IMMP2L: variants seen among roughly 807,000 people sequenced by gnomAD.
IMMP2L encodes inner mitochondrial membrane peptidase subunit 2, also known as mitochondrial inner membrane protease subunit 2.
IMMP2L carries 18 observed loss-of-function variants against 19.3 expected under a neutral mutation model. That is an observed-to-expected ratio of 0.93 (90% CI 0.64 to 1.38). The LOEUF (loss-of-function observed/expected upper bound fraction) is 1.38, where lower values mean the gene tolerates loss of function less well. Among genes scored for constraint, IMMP2L ranks in the 40% most tolerant of loss-of-function variants. The probability of loss-of-function intolerance (pLI) is 0.00; values close to 1 mark genes in which losing one functional copy is unlikely to be tolerated. For synonymous variants in IMMP2L, 76 were observed against 73.0 expected (o/e 1.04, Z -0.21); for missense variants, 233 against 218.2 (o/e 1.07, Z -0.43).
chr7:111,512,067 C>T lies in IMMP2L; in HGVS notation c.135+9246G>A, dbSNP rs116148128. ...AGAGAAATGAAATCATGTATATACA[C>T]GTAACTGTACACAAATATCTATAGC... On this transcript the variant is annotated intron_variant, in intron 2 of 5. Transcript: ENST00000405709. Among the ~76,000 whole-genome samples, 1,322 of 152,214 alleles carry T rather than the reference C, an allele frequency of 8.7e-3. 22 individuals carry two copies. Among genetic ancestry groups the T allele is most frequent in the African/African-American group, 0.03 (1,243 of 41,532 alleles).
At chr7:110,768,807 C>T (rs1798842999) in intron 5 of IMMP2L, among the ~76,000 whole-genome samples, 3 of 152,172 alleles carry the variant, frequency 2.0e-5, no homozygotes. Flanking sequence ...CTATCTCTCC[C>T]ACTGGATCAT....
At chr7:110,762,670 G>A (rs1798421254) in intron 5 of IMMP2L, among the ~76,000 whole-genome samples, 1 of 152,098 alleles carries the variant, frequency 6.6e-6, no homozygotes, top group South Asian at 2.1e-4. Flanking sequence ...GCTAGGAATG[G>A]ACTAGTGAAA....
intron 5 of IMMP2L, among the ~76,000 whole-genome samples, chr7:110,856,537 A>G (rs1219310032): frequency 6.6e-6 from 1 of 152,062 alleles, no homozygotes; most frequent in Non-Finnish European, 1.5e-5. Context: ...TTCATGAAAA[A>G]GGAAAATCAG....
At chr7:111,338,615 G>A (rs755464963) in intron 3 of IMMP2L, among the ~76,000 whole-genome samples, 3 of 151,998 alleles carry the variant, frequency 2.0e-5, no homozygotes, top group Non-Finnish European at 4.4e-5. Context: ...ACACATGAAG[G>A]AAATAAAAAT....
intron 3 of IMMP2L, among the ~76,000 whole-genome samples, chr7:111,040,626 A>T (rs564087285): frequency 2.0e-5 from 3 of 150,526 alleles, no homozygotes; most frequent in Non-Finnish European, 3.0e-5. Context: ...CTAACTTAAG[A>T]GGAAAGCCTG....
chr7:110,984,437 T>G (rs540111600), intron 3 of IMMP2L, among the ~76,000 whole-genome samples: 1 of 152,158 alleles, frequency 6.6e-6, no homozygotes, highest in Admixed American at 6.6e-5. Context: ...TTAGATTCAG[T>G]CTCAAAACAC....
chr7:111,253,742 G>T (rs1328635592), intron 3 of IMMP2L, among the ~76,000 whole-genome samples: 1 of 152,098 alleles, frequency 6.6e-6, no homozygotes, highest in Non-Finnish European at 1.5e-5. Context: ...CTCAAAGACT[G>T]CCACATAGAA....
At chr7:111,030,608 A>G (rs1401160560) in intron 3 of IMMP2L, among the ~76,000 whole-genome samples, 2 of 152,118 alleles carry the variant, frequency 1.3e-5, no homozygotes, top group Non-Finnish European at 2.9e-5. Context: ...CCAAGACTCC[A>G]GAGGTTCCTT....
At chr7:111,222,037 A>T (rs1474845126) in intron 3 of IMMP2L, among the ~76,000 whole-genome samples, 1 of 151,960 alleles carries the variant, frequency 6.6e-6, no homozygotes, top group Non-Finnish European at 1.5e-5. Flanking sequence ...TACAAAGTAA[A>T]TGGGGATTTA....
At chr7:110,850,215 G>A (rs1806063105) in intron 5 of IMMP2L, among the ~76,000 whole-genome samples, 1 of 151,944 alleles carries the variant, frequency 6.6e-6, no homozygotes, top group Admixed American at 6.6e-5. Context: ...AACAGGATCT[G>A]GTCCATACAA....
intron 5 of IMMP2L, among the ~76,000 whole-genome samples, chr7:110,742,840 T>G (rs1797076417): frequency 6.6e-6 from 1 of 152,004 alleles, no homozygotes; most frequent in East Asian, 1.9e-4. Flanking sequence ...CAACATTAAG[T>G]AGGGGATGCA....
At chr7:110,885,358 T>A (rs758069002) in intron 5 of IMMP2L, among the ~76,000 whole-genome samples, 1 of 151,996 alleles carries the variant, frequency 6.6e-6, no homozygotes, top group Admixed American at 6.6e-5. Context: ...TCAACTTATA[T>A]ATACGTTAAA....
intron 3 of IMMP2L, among the ~76,000 whole-genome samples, chr7:111,335,477 T>C (rs995366753): frequency 6.6e-6 from 1 of 151,886 alleles, no homozygotes; most frequent in African/African-American, 2.4e-5. Flanking sequence ...AAAATAAAAA[T>C]AGGTAAAAGT....
chr7:110,928,375 AC>A (rs1815093748), intron 4 of IMMP2L, among the ~76,000 whole-genome samples: 1 of 149,378 alleles, frequency 6.7e-6, no homozygotes, highest in African/African-American at 2.5e-5. Flanking sequence ...ACACACACAC[AC>A]ACACACACAC....
intron 5 of IMMP2L, among the ~76,000 whole-genome samples, chr7:110,687,615 G>GT (rs1793209003): frequency 2.0e-5 from 3 of 152,146 alleles, no homozygotes; most frequent in Non-Finnish European, 2.9e-5. Context: ...TAACAAATTA[G>GT]TTTAAAATTT....
At chr7:110,722,191 C>T (rs182891865) in intron 5 of IMMP2L, among the ~76,000 whole-genome samples, 3 of 151,890 alleles carry the variant, frequency 2.0e-5, no homozygotes, top group Admixed American at 2.0e-4. Flanking sequence ...GGGGATGGAG[C>T]GATGAAAAAC....
chr7:111,464,986 G>T (rs1440488126), intron 3 of IMMP2L, among the ~76,000 whole-genome samples: 1 of 152,052 alleles, frequency 6.6e-6, no homozygotes, highest in Non-Finnish European at 1.5e-5. Flanking sequence ...TAGAGACAAG[G>T]TTTCACCGTG....
intron 4 of IMMP2L, among the ~76,000 whole-genome samples, chr7:110,942,227 T>C (rs1816807453): frequency 2.0e-5 from 3 of 151,978 alleles, no homozygotes; most frequent in South Asian, 4.1e-4. Flanking sequence ...GATTTTATAA[T>C]TTTCCAACTG....
At chr7:111,487,057 T>C (rs1442731337) in intron 3 of IMMP2L, among the ~76,000 whole-genome samples, 181 bp downstream of exon 3, 2 of 152,150 alleles carry the variant, frequency 1.3e-5, no homozygotes, top group African/African-American at 4.8e-5. Flanking sequence ...ATATTTTAAA[T>C]GCAAAAAATT....
Sources: gnomAD v4.1 joint callset for allele counts (sites outside exome capture counted in the v4.1 genomes callset) on GRCh38, gnomAD v4.1.1 for gene constraint, MANE v1.5 for transcripts, NCBI Gene and HGNC (gene_info 2026-07-23, HGNC 2026-07-21) for gene names.